NPAS3: variants seen among roughly 807,000 people sequenced by gnomAD.
NPAS3 encodes neuronal PAS domain-containing protein 3.
NPAS3 carries 14 observed loss-of-function variants against 73.1 expected under a neutral mutation model. The ratio of observed to expected loss-of-function variants is 0.19; its 90% CI spans 0.13 to 0.30. NPAS3 has a LOEUF of 0.30. Ranked by LOEUF, NPAS3 falls within the 10% of genes least tolerant of loss-of-function variation. The probability of loss-of-function intolerance (pLI) is 1.00; values close to 1 mark genes in which losing one functional copy is unlikely to be tolerated. For synonymous variants in NPAS3, 620 were observed against 541.5 expected (o/e 1.14, Z -2.01); for missense variants, 1,096 against 1,250.0 (o/e 0.88, Z 1.86).
chr14:33,114,525 CTT>C (rs2042998332), intron 2 of NPAS3, among the ~76,000 whole-genome samples: 1 of 152,110 alleles, frequency 6.6e-6, no homozygotes, highest in Non-Finnish European at 1.5e-5. Context: ...ATTTGACAAA[CTT>C]TGTGGGTTAC....
intron 2 of NPAS3, among the ~76,000 whole-genome samples, chr14:33,170,037 C>A (rs985695649): frequency 1.3e-5 from 2 of 152,108 alleles, no homozygotes; most frequent in Non-Finnish European, 2.9e-5. Context: ...TTTATGGAAT[C>A]TTTGCTGGGC....
chr14:33,176,242 C>G (rs2045585737), intron 2 of NPAS3, among the ~76,000 whole-genome samples: 1 of 152,080 alleles, frequency 6.6e-6, no homozygotes, highest in Non-Finnish European at 1.5e-5. Context: ...ATAAAATTAG[C>G]CATTTAACCT....
At chr14:33,273,811 T>C (rs1289764009) in intron 3 of NPAS3, among the ~76,000 whole-genome samples, 1 of 152,146 alleles carries the variant, frequency 6.6e-6, no homozygotes, top group East Asian at 1.9e-4. Context: ...AATAAGTGCA[T>C]GGCATGTGGT....
chr14:33,713,323 C>A (rs536435703), intron 6 of NPAS3, among the ~76,000 whole-genome samples: 2 of 152,346 alleles, frequency 1.3e-5, no homozygotes, highest in Admixed American at 6.5e-5. Flanking sequence ...GAGTCTCATC[C>A]TCAGCCTTAT....
At chr14:32,985,381 C>T (rs2038056738) in intron 1 of NPAS3, among the ~76,000 whole-genome samples, 1 of 152,112 alleles carries the variant, frequency 6.6e-6, no homozygotes, top group Admixed American at 6.6e-5. Flanking sequence ...TTTTAATTAT[C>T]CAAATAACAC....
chr14:33,138,176 G>T (rs978876441), intron 2 of NPAS3, among the ~76,000 whole-genome samples: 1 of 151,276 alleles, frequency 6.6e-6, no homozygotes, highest in Non-Finnish European at 1.5e-5. Context: ...TTAACATTAG[G>T]TATATCTCCA....
intron 1 of NPAS3, among the ~76,000 whole-genome samples, chr14:32,991,042 CA>C (rs2038314289): frequency 6.6e-6 from 1 of 151,918 alleles, no homozygotes; most frequent in Non-Finnish European, 1.5e-5. Context: ...GAGATAGATA[CA>C]GGATAGTTAT....
intron 3 of NPAS3, among the ~76,000 whole-genome samples, chr14:33,217,189 C>T (rs545684819): frequency 8.5e-5 from 13 of 152,056 alleles, no homozygotes; most frequent in Admixed American, 5.2e-4. Flanking sequence ...CTCACTATCA[C>T]GAGATAGCAT....
intron 5 of NPAS3, among the ~76,000 whole-genome samples, chr14:33,583,096 G>A (rs1480238429): frequency 6.6e-6 from 1 of 150,452 alleles, no homozygotes; most frequent in Non-Finnish European, 1.5e-5. Context: ...CTGTGGGTTG[G>A]TGGGAGGAAA....
intron 7 of NPAS3, among the ~76,000 whole-genome samples, chr14:33,755,519 G>A (rs991398296): frequency 1.3e-5 from 2 of 152,214 alleles, no homozygotes; most frequent in African/African-American, 2.4e-5. Context: ...GAATTGCCTC[G>A]GGGGAAAGGA....
intron 5 of NPAS3, among the ~76,000 whole-genome samples, chr14:33,615,256 T>C (rs1287703579): frequency 6.6e-6 from 1 of 152,140 alleles, no homozygotes; most frequent in Non-Finnish European, 1.5e-5. Context: ...CAACAGGAAG[T>C]CACTGCATGT....
At chr14:33,679,474 T>TAATA (rs1179603628) in intron 6 of NPAS3, among the ~76,000 whole-genome samples, 1 of 151,528 alleles carries the variant, frequency 6.6e-6, no homozygotes, top group Non-Finnish European at 1.5e-5. Context: ...TCCTAATTCT[T>TAATA]AATAACTAAC....
chr14:33,590,087 G>A (rs898790443), intron 5 of NPAS3, among the ~76,000 whole-genome samples: 1 of 151,972 alleles, frequency 6.6e-6, no homozygotes, highest in Admixed American at 6.6e-5. Context: ...GATGTCTCTG[G>A]AAAAAATGCA....
chr14:33,579,721 A>T (rs2056588448), intron 5 of NPAS3, among the ~76,000 whole-genome samples: 1 of 152,192 alleles, frequency 6.6e-6, no homozygotes. Context: ...AAGAAGAGCA[A>T]GTTCGCCTTA....
At chr14:33,366,761 G>A (rs1428354637) in intron 3 of NPAS3, among the ~76,000 whole-genome samples, 1 of 152,044 alleles carries the variant, frequency 6.6e-6, no homozygotes, top group Admixed American at 6.5e-5. Flanking sequence ...TTTTTTCCTA[G>A]CCTAGAAGAT....
At chr14:33,091,213 AAAAGATCAACAAAATTGATAG>A (rs1385124609) in intron 2 of NPAS3, among the ~76,000 whole-genome samples, 1 of 151,910 alleles carries the variant, frequency 6.6e-6, no homozygotes, top group Non-Finnish European at 1.5e-5. Flanking sequence ...TGGTTTTTTG[AAAAGATCAACAAAATTGATAG>A]ACTGCCAGCA....
intron 5 of NPAS3, among the ~76,000 whole-genome samples, chr14:33,562,615 G>A (rs2055704765): frequency 6.6e-6 from 1 of 152,092 alleles, no homozygotes; most frequent in South Asian, 2.1e-4. Context: ...TGTATTTAGA[G>A]TTCAAAACTA....
At chr14:33,469,481 T>G (rs74044812) in intron 4 of NPAS3, among the ~76,000 whole-genome samples, 1,752 of 152,252 alleles carry the variant, frequency 0.012, 36 homozygotes, top group African/African-American at 0.04. Flanking sequence ...ACCTCACAAC[T>G]AGTATGTCAA....
intron 3 of NPAS3, among the ~76,000 whole-genome samples, chr14:33,318,515 T>A (rs1010918654): frequency 2.6e-5 from 4 of 152,098 alleles, no homozygotes; most frequent in Admixed American, 6.6e-5. Flanking sequence ...CACAATTTTT[T>A]AAAAATGTCA....
Sources: gnomAD v4.1 joint callset for allele counts (sites outside exome capture counted in the v4.1 genomes callset) on GRCh38, gnomAD v4.1.1 for gene constraint, MANE v1.5 for transcripts, NCBI Gene and HGNC (gene_info 2026-07-23, HGNC 2026-07-21) for gene names.